RUFY3: variants seen among roughly 807,000 people sequenced by gnomAD.
RUFY3 encodes protein RUFY3.
In RUFY3, 34 loss-of-function variants were observed where a neutral mutation model predicts 84.0. The observed-to-expected ratio is 0.40, with a 90% confidence interval of 0.31 to 0.54. The LOEUF is 0.54. Among genes scored for constraint, RUFY3 ranks in the 20% least tolerant of loss-of-function variants. RUFY3 has a pLI of 0.39. For synonymous variants in RUFY3, 242 were observed against 252.9 expected (o/e 0.96, Z 0.41); for missense variants, 507 against 736.8 (o/e 0.69, Z 3.61).
chr4:70,799,013 G>A (rs898347445), intron 14 of RUFY3, among the ~76,000 whole-genome samples: 1 of 150,648 alleles, frequency 6.6e-6, no homozygotes, highest in Non-Finnish European at 1.5e-5. Flanking sequence ...GCCATCAATG[G>A]TGGGCGCCTG....
At chr4:70,782,525 C>T (rs539151196) in intron 8 of RUFY3, among the ~76,000 whole-genome samples, 15 of 151,984 alleles carry the variant, frequency 9.9e-5, no homozygotes, top group East Asian at 5.8e-4. Context: ...CCTCGTGATC[C>T]GCTCGCATCA....
chr4:70,791,978 T>C, intron 12 of RUFY3: 9 of 984,324 alleles, frequency 9.1e-6, no homozygotes, highest in Non-Finnish European at 1.1e-5. Context: ...AAGTTAGTAA[T>C]TAGGTAACCT....
At position 70,804,422 on chromosome 4, in the gene RUFY3, T is replaced by C; in HGVS notation, c.1719+6T>C. 1.2e-6 allele frequency: 2 copies of C among 1,613,220 alleles called. No homozygotes were observed. Among genetic ancestry groups the C allele is most frequent in the Non-Finnish European group, 1.7e-6 (2 of 1,179,316 alleles). On this transcript the variant is annotated splice_donor_region_variant and intron_variant, in intron 17 of 17. Coordinates refer to ENST00000381006, the MANE Select transcript of RUFY3 (RefSeq NM_001037442.4). ...AAGACGGCAGCCTAACAAAGGTAAC[T>C]GTGATGAGAAACGGACAGGCTTTTC...
At chr4:70,773,437 TAGA>T (rs2148737368) in intron 5 of RUFY3, 71 bp from the exon 6 acceptor site, 2 of 1,023,542 alleles carry the variant, frequency 2.0e-6, no homozygotes, top group East Asian at 2.5e-5. Context: ...TTTGAGTGCC[TAGA>T]AGGAGACATT....
chr4:70,784,950 A>G (rs1578209842), intron 10 of RUFY3, 71 bp downstream of exon 10: 3 of 1,039,144 alleles, frequency 2.9e-6, no homozygotes, highest in Non-Finnish European at 4.1e-6. Flanking sequence ...AGGTTTTATC[A>G]TACAGACCAA....
chr4:70,791,539 G>A, intron 12 of RUFY3: 1 of 1,327,122 alleles, frequency 7.5e-7, no homozygotes, highest in Non-Finnish European at 9.6e-7. Flanking sequence ...AATAAACTTT[G>A]AGAAATTATT....
chr4:70,744,358 T>TATGTATGTATG (rs1560482371), intron 1 of RUFY3, among the ~76,000 whole-genome samples: 43 of 150,738 alleles, frequency 2.9e-4, no homozygotes, highest in African/African-American at 1.1e-3. Context: ...TGGCTAATTT[T>TATGTATGTATG]TATGTATGTA....
intron 1 of RUFY3, among the ~76,000 whole-genome samples, chr4:70,723,749 A>T (rs1717764542): frequency 6.6e-6 from 1 of 152,220 alleles, no homozygotes; most frequent in South Asian, 2.1e-4. Flanking sequence ...TCTGCCTGAT[A>T]GTTAGGCACA....
At chr4:70,718,179 A>G (rs7659599), upstream of RUFY3, among the ~76,000 whole-genome samples, 24,833 of 152,034 alleles carry the variant, frequency 0.16, 4,975 homozygotes, top group African/African-American at 0.48. Flanking sequence ...CACCGCACCC[A>G]GCCCTTTACA....
intron 1 of RUFY3, among the ~76,000 whole-genome samples, chr4:70,740,619 A>G (rs1425991966): frequency 2.0e-5 from 3 of 152,216 alleles, no homozygotes; most frequent in Non-Finnish European, 4.4e-5. Flanking sequence ...AATAATGTGG[A>G]TGGTAAGAGT....
intron 14 of RUFY3, among the ~76,000 whole-genome samples, chr4:70,796,965 C>A (rs1046243136): frequency 7.0e-6 from 1 of 142,218 alleles, no homozygotes; most frequent in Non-Finnish European, 1.5e-5. Flanking sequence ...TTTTTTGAAA[C>A]AGAGTCTCAT....
chr4:70,736,864 G>A (rs1368585920), intron 1 of RUFY3, among the ~76,000 whole-genome samples: 1 of 152,162 alleles, frequency 6.6e-6, no homozygotes, highest in African/African-American at 2.4e-5. Flanking sequence ...GAGCCACTGC[G>A]CCTGGCCTGG....
upstream of RUFY3, among the ~76,000 whole-genome samples, chr4:70,719,845 G>A (rs188435609): frequency 1.3e-5 from 2 of 152,218 alleles, no homozygotes; most frequent in South Asian, 2.1e-4. Flanking sequence ...TTACTGCTGC[G>A]TGCCTAGTGC....
intron 2 of RUFY3, among the ~76,000 whole-genome samples, chr4:70,762,893 A>G (rs1392884990): frequency 6.6e-6 from 1 of 152,198 alleles, no homozygotes; most frequent in African/African-American, 2.4e-5. Flanking sequence ...AGATCATTAA[A>G]TGTTACAGTT....
chr4:70,770,592 C>T (rs181312216), intron 5 of RUFY3, among the ~76,000 whole-genome samples: 1 of 152,294 alleles, frequency 6.6e-6, no homozygotes, highest in East Asian at 1.9e-4. Flanking sequence ...GGGCCTTGCT[C>T]TGAATTAGGT....
chr4:70,802,710 T>G (rs80128619), intron 15 of RUFY3, among the ~76,000 whole-genome samples: 130 of 152,326 alleles, frequency 8.5e-4, no homozygotes, highest in African/African-American at 3.1e-3. Context: ...TAACTTCAAA[T>G]CTATTTTTAA....
intron 1 of RUFY3, among the ~76,000 whole-genome samples, chr4:70,741,948 T>G (rs1721385981): frequency 6.6e-6 from 1 of 152,228 alleles, no homozygotes; most frequent in South Asian, 2.1e-4. Context: ...TTTTTTCACT[T>G]GTTTGTTGAG....
chr4:70,744,744 T>C (rs1366609273), intron 1 of RUFY3, among the ~76,000 whole-genome samples: 1 of 147,112 alleles, frequency 6.8e-6, no homozygotes, highest in Non-Finnish European at 1.5e-5. Context: ...AACCTCCACC[T>C]CCCAGATTGA....
intron 1 of RUFY3, among the ~76,000 whole-genome samples, chr4:70,745,587 T>G (rs1413712057): frequency 2.6e-5 from 4 of 152,176 alleles, no homozygotes; most frequent in African/African-American, 9.7e-5. Flanking sequence ...ATTAAAATAG[T>G]CAGGACAGTA....
Sources: gnomAD v4.1 joint callset for allele counts (sites outside exome capture counted in the v4.1 genomes callset) on GRCh38, gnomAD v4.1.1 for gene constraint, MANE v1.5 for transcripts, NCBI Gene and HGNC (gene_info 2026-07-23, HGNC 2026-07-21) for gene names.